Variants in GNB5 observed in about 807,000 individuals in gnomAD.
The protein encoded by GNB5 is guanine nucleotide-binding protein subunit beta-5.
GNB5 carries 37 observed loss-of-function variants against 55.3 expected under a neutral mutation model. The observed-to-expected ratio is 0.67, with a 90% CI of 0.51 to 0.88. The LOEUF (loss-of-function observed/expected upper bound fraction) is 0.88. Among genes scored for constraint, GNB5 ranks in the 40% least tolerant of loss-of-function variants. GNB5 has a pLI of 0.00. For synonymous variants in GNB5, 219 were observed against 198.5 expected, an observed-to-expected ratio of 1.10 and a Z score of -0.87; for missense variants, 476 against 515.3, an observed-to-expected ratio of 0.92 and a Z score of 0.74.
chr15:52,186,403 C>T (rs569395874), intron 1 of GNB5, among the ~76,000 whole-genome samples: 1 of 152,328 alleles, frequency 6.6e-6, no homozygotes, highest in South Asian at 2.1e-4. Context: ...GCTACAGCCT[C>T]TTCCTTTTAG....
chr15:52,183,085 G>C (rs1302855010), intron 2 of GNB5, among the ~76,000 whole-genome samples: 1 of 152,198 alleles, frequency 6.6e-6, no homozygotes, highest in Non-Finnish European at 1.5e-5. Flanking sequence ...CCTGGAGTCA[G>C]AGGTTGCAGT....
At chr15:52,179,959 T>G in intron 2 of GNB5, 80 bp from the exon 3 acceptor site, 1 of 1,399,450 alleles carries the variant, frequency 7.1e-7, no homozygotes, top group Non-Finnish European at 9.3e-7. Context: ...CCAGCAGCCG[T>G]CCCCGGCCCC....
intron 3 of GNB5, among the ~76,000 whole-genome samples, chr15:52,176,498 A>G (rs1365971179): frequency 6.6e-6 from 1 of 152,154 alleles, no homozygotes; most frequent in Non-Finnish European, 1.5e-5. Flanking sequence ...CTGAGTGCCA[A>G]GGGACAAACA....
intron 2 of GNB5, among the ~76,000 whole-genome samples, chr15:52,181,493 G>A (rs1485450962): frequency 6.6e-6 from 1 of 152,122 alleles, no homozygotes; most frequent in Non-Finnish European, 1.5e-5. Context: ...GTACGTGCCT[G>A]TAACCTCAGC....
chr15:52,164,329 A>G (rs1207024667), intron 3 of GNB5, among the ~76,000 whole-genome samples: 2 of 144,970 alleles, frequency 1.4e-5, no homozygotes, highest in African/African-American at 5.4e-5. Context: ...AAAAAAAAAA[A>G]AAAAAAATGC....
chr15:52,153,955 G>A lies in GNB5; in HGVS notation c.360C>T (p.Ile120=), dbSNP rs750348977. The change falls in exon 4 of 13, where the codon ATC becomes ATT. Residue 120 remains isoleucine (I), a synonymous_variant. Transcript: ENST00000261837. ...CMDWCKDKRR[I]VSSSQDGKVI... ...TGTGACATACCTGTGACGAGCTCAC[G>A]ATCCTCCTCTTATCTTTGCACCAGT... 29 of 1,612,916 alleles carry A rather than the reference G, an allele frequency of 1.8e-5. No homozygotes were observed. In the Admixed American group the frequency reaches 2.2e-4, roughly 12 times the overall value.
At chr15:52,180,014 T>A in intron 2 of GNB5, 135 bp from the exon 3 acceptor site, 1 of 1,152,268 alleles carries the variant, frequency 8.7e-7, no homozygotes, top group Non-Finnish European at 1.1e-6. Flanking sequence ...CGCCAGCAGC[T>A]GCGGGCCCGG....
chr15:52,141,785 T>C (rs1047924323), intron 6 of GNB5, among the ~76,000 whole-genome samples: 2 of 152,144 alleles, frequency 1.3e-5, no homozygotes, highest in Non-Finnish European at 1.5e-5. Context: ...AATAAGAACA[T>C]TCTCCTGTCT....
intron 3 of GNB5, among the ~76,000 whole-genome samples, chr15:52,178,915 C>CA (rs1406185131): frequency 6.6e-6 from 1 of 152,246 alleles, no homozygotes; most frequent in African/African-American, 2.4e-5. Context: ...ATGCCACCCT[C>CA]AGAGCTCAAA....
chr15:52,141,592 T>C (rs2033855422), intron 6 of GNB5, among the ~76,000 whole-genome samples: 2 of 151,950 alleles, frequency 1.3e-5, no homozygotes, highest in East Asian at 3.9e-4. Flanking sequence ...TTGAAGATTT[T>C]CAAACCTACT....
intron 3 of GNB5, among the ~76,000 whole-genome samples, chr15:52,169,538 C>CAAAAAAAAAAA (rs60470864): frequency 4.5e-4 from 32 of 71,480 alleles, no homozygotes; most frequent in Admixed American, 8.5e-4. Context: ...GACTCTGTCT[C>CAAAAAAAAAAA]AAAAAAAAAA....
intron 12 of GNB5, 121 bp from the exon 13 acceptor site, chr15:52,122,889 T>TACACAC (rs60072605): frequency 0.035 from 25,441 of 716,826 alleles, 227 homozygotes; most frequent in Admixed American, 0.059. Flanking sequence ...TATGTGTGTG[T>TACACAC]ACACACACAC....
Position 52,122,706 on chromosome 15 carries a change from T to C in GNB5, c.*51A>G, listed in dbSNP as rs1487208375. On this transcript the variant is annotated 3_prime_UTR_variant, in exon 13 of 13. Coordinates refer to ENST00000261837, the MANE Select transcript of GNB5 (RefSeq NM_016194.4). ...CCTCTAGAAGTAATATCTATTTACA[T>C]GTGAAGATTTCAAATTCTCAGGTAT... is the stretch of plus-strand genomic sequence containing the variant. 7.1e-7 allele frequency: 1 copy of C among 1,417,072 alleles called. No homozygotes were observed. The highest frequency in any genetic ancestry group is 1.0e-6 in the Non-Finnish European group (1 of 1,000,368). The allele number at this position is 1,417,072 out of a possible 1,614,324, so 87.8% of individuals were successfully genotyped here.
intron 3 of GNB5, chr15:52,162,669 T>G (rs1051278040): frequency 3.3e-5 from 5 of 152,062 alleles, no homozygotes; most frequent in African/African-American, 1.2e-4. Flanking sequence ...GAAAAAAAAT[T>G]TAATGCTAAT....
chr15:52,189,722 T>C (rs1384279254), intron 1 of GNB5, among the ~76,000 whole-genome samples: 1 of 152,246 alleles, frequency 6.6e-6, no homozygotes, highest in East Asian at 1.9e-4. Flanking sequence ...TCCAGTAGAC[T>C]GCTATTCAGC....
intron 3 of GNB5, among the ~76,000 whole-genome samples, chr15:52,169,751 T>C (rs990810915): frequency 3.3e-5 from 5 of 151,936 alleles, no homozygotes; most frequent in Non-Finnish European, 7.4e-5. Flanking sequence ...GGCCTCTGCA[T>C]AGCAAAATAA....
chr15:52,156,456 G>T (rs1049264820), intron 3 of GNB5, among the ~76,000 whole-genome samples: 2 of 152,232 alleles, frequency 1.3e-5, no homozygotes, highest in Admixed American at 6.5e-5. Flanking sequence ...ACTAGGCCAG[G>T]CACAGTGGCT....
intron 3 of GNB5, among the ~76,000 whole-genome samples, chr15:52,168,316 A>C (rs952317690): frequency 6.6e-6 from 1 of 152,112 alleles, no homozygotes; most frequent in Non-Finnish European, 1.5e-5. Flanking sequence ...AGGATCCAAA[A>C]TCAATGTGCA....
chr15:52,152,852 T>G (rs1329931482), intron 4 of GNB5, among the ~76,000 whole-genome samples: 2 of 152,172 alleles, frequency 1.3e-5, no homozygotes, highest in Non-Finnish European at 2.9e-5. Flanking sequence ...CTCGAACTCC[T>G]GGATTCAAGT....
Sources: allele counts gnomAD v4.1 joint callset (sites outside exome capture counted in the v4.1 genomes callset), GRCh38; gene constraint gnomAD v4.1.1; transcripts MANE v1.5; gene names NCBI Gene and HGNC (gene_info 2026-07-23, HGNC 2026-07-21).